The following PCDHAC1 variants were observed in gnomAD, a reference collection of about 807,000 sequenced individuals.
PCDHAC1 encodes the protein protocadherin alpha subfamily C, 1.
PCDHAC1 carries 42 observed loss-of-function variants against 60.0 expected under a neutral mutation model. That is an observed-to-expected ratio of 0.70 (90% CI 0.55 to 0.90). The LOEUF is 0.90. Ranked by LOEUF, PCDHAC1 falls within the 40% of genes least tolerant of loss-of-function variation. The pLI is 0.00. For missense variants in PCDHAC1, 1,160 were observed against 1,222.3 expected, an observed-to-expected ratio of 0.95 and a Z score of 0.76; for synonymous variants, 468 against 499.3, an observed-to-expected ratio of 0.94 and a Z score of 0.84.
intron 1 of PCDHAC1, chr5:140,966,545 G>A: frequency 2.1e-6 from 1 of 465,980 alleles, no homozygotes; most frequent in Non-Finnish European, 3.7e-6. Context: ...CGACTCGGAG[G>A]CGAGCGGAGG....
chr5:141,004,124 C>T (rs1225012224), intron 3 of PCDHAC1, among the ~76,000 whole-genome samples: 1 of 152,202 alleles, frequency 6.6e-6, no homozygotes, highest in Non-Finnish European at 1.5e-5. Context: ...GGAGTATCTC[C>T]ATGATTCTGC....
intron 1 of PCDHAC1, among the ~76,000 whole-genome samples, chr5:140,943,236 TCA>T (rs1454947972): frequency 5.6e-5 from 7 of 124,930 alleles, no homozygotes; most frequent in African/African-American, 1.9e-4. Flanking sequence ...CCAGCCTGGG[TCA>T]CAGAGTGAGA....
chr5:140,926,850 G>A lies in PCDHAC1; in HGVS notation c.-43G>A, dbSNP rs375350613. 2.0e-6 allele frequency: 3 copies of A among 1,517,570 alleles called. No homozygotes were observed. Among genetic ancestry groups the A allele is most frequent in the African/African-American group, 2.8e-5 (2 of 71,774 alleles). 94.0% of individuals were successfully genotyped at this position (1,517,570 alleles called of 1,614,324 possible). A position where few individuals can be genotyped will look rare whatever the true frequency, so the allele number is the denominator to read the frequency against. ...GTCCGGAGCATGGTCCTGGGTCACC[G>A]TTGGTGTAGCGTGTTGGTGGAACGT... On this transcript the variant is annotated 5_prime_UTR_variant, in exon 1 of 4. Coordinates refer to ENST00000253807, the MANE Select transcript of PCDHAC1 (RefSeq NM_018898.5).
chr5:140,991,227 A>G (rs1172819040), intron 3 of PCDHAC1, among the ~76,000 whole-genome samples: 2 of 152,224 alleles, frequency 1.3e-5, no homozygotes, highest in African/African-American at 4.8e-5. Flanking sequence ...TCATTAATAA[A>G]TGCAGTGGTA....
chr5:140,971,547 C>T (rs904044424), intron 1 of PCDHAC1, among the ~76,000 whole-genome samples: 3 of 152,074 alleles, frequency 2.0e-5, no homozygotes, highest in Non-Finnish European at 4.4e-5. Flanking sequence ...GCCAGATCAA[C>T]CTGTTAAATT....
intron 1 of PCDHAC1, among the ~76,000 whole-genome samples, chr5:140,965,255 G>C (rs1426270395): frequency 1.3e-5 from 2 of 152,196 alleles, no homozygotes; most frequent in Non-Finnish European, 2.9e-5. Context: ...ATTCAGAACT[G>C]AGCAGCAGAG....
At chr5:140,960,446 T>C (rs1563310715) in intron 1 of PCDHAC1, among the ~76,000 whole-genome samples, 2 of 152,204 alleles carry the variant, frequency 1.3e-5, no homozygotes, top group African/African-American at 4.8e-5. Context: ...GATATATGTA[T>C]GGATAATTTT....
chr5:141,000,395 C>CTCTA (rs1213762225), intron 3 of PCDHAC1, among the ~76,000 whole-genome samples: 16 of 53,972 alleles, frequency 3.0e-4, no homozygotes, highest in East Asian at 6.1e-4. Context: ...CTCTCTCTCT[C>CTCTA]TATATATATA....
At position 141,010,198 on chromosome 5, in the gene PCDHAC1, C is replaced by T; in HGVS notation, c.*261C>T. ...AAAGCAGACCCAAGTTTCCTTTCTC[C>T]TCCGCCGCAAAGGAGAGGCTTCCCA... On this transcript the variant is annotated 3_prime_UTR_variant, in exon 4 of 4. Transcript: ENST00000253807. The T allele has an allele frequency of 6.4e-7, 1 of 1,552,138 alleles. No homozygotes were observed. The highest frequency in any genetic ancestry group is 1.4e-5 in the African/African-American group (1 of 73,154).
Position 140,967,255 on chromosome 5 carries a change from T to C in PCDHAC1, c.2434-11694T>C, listed in dbSNP as rs202164321. ...TTCAGGTAAGCGAATCGGTGGCGCC[T>C]GGAGCGCGCTTTCACATAGAGAGTG... On this transcript the variant is annotated intron_variant, in intron 1 of 3. Coordinates refer to ENST00000253807, the MANE Select transcript of PCDHAC1 (RefSeq NM_018898.5). The C allele has an allele frequency of 1.8e-4, 297 of 1,613,460 alleles. 1 individual carries two copies. The East Asian group carries it at 6.5e-3, about 35-fold the overall frequency.
In PCDHAC1 at chr5:141,010,200, C is replaced by T. The variant is rs1356287133; in HGVS notation, c.*263C>T. On this transcript the variant is annotated 3_prime_UTR_variant, in exon 4 of 4. Coordinates refer to ENST00000253807, the MANE Select transcript of PCDHAC1 (RefSeq NM_018898.5). ...AGCAGACCCAAGTTTCCTTTCTCCTCCGCCGCAAAGGAGAGGCTTCCCAGC... is the reference window on the plus strand; with the variant it reads ...AGCAGACCCAAGTTTCCTTTCTCCTTCGCCGCAAAGGAGAGGCTTCCCAGC... The T allele has an allele frequency of 1.3e-6, 2 of 1,551,984 alleles. No individual in the cohort carries two copies. Among genetic ancestry groups the T allele is most frequent in the African/African-American group, 2.7e-5 (2 of 73,038 alleles).
At chr5:140,957,107 G>A in intron 1 of PCDHAC1, among the ~76,000 whole-genome samples, 1 of 152,092 alleles carries the variant, frequency 6.6e-6, no homozygotes, top group East Asian at 1.9e-4. Context: ...CTATGGACAT[G>A]ATTCTGTGTG....
chr5:140,933,244 A>G (rs1218658347), intron 1 of PCDHAC1, among the ~76,000 whole-genome samples: 3 of 152,038 alleles, frequency 2.0e-5, no homozygotes, highest in African/African-American at 4.8e-5. Context: ...AGAAAGGACT[A>G]TAAACACAAA....
At chr5:140,965,403 T>G (rs1241477329) in intron 1 of PCDHAC1, among the ~76,000 whole-genome samples, 1 of 151,946 alleles carries the variant, frequency 6.6e-6, no homozygotes, top group Admixed American at 6.6e-5. Flanking sequence ...GTCTAAGGAG[T>G]CTTATATTTA....
chr5:140,975,120 C>T (rs2096654332), intron 1 of PCDHAC1, among the ~76,000 whole-genome samples: 1 of 152,140 alleles, frequency 6.6e-6, no homozygotes, highest in African/African-American at 2.4e-5. Flanking sequence ...TGTTTTCCTA[C>T]TTACTATTGG....
At chr5:141,002,273 A>G (rs1040927044) in intron 3 of PCDHAC1, among the ~76,000 whole-genome samples, 42 of 152,308 alleles carry the variant, frequency 2.8e-4, no homozygotes, top group African/African-American at 8.9e-4. Context: ...AGAGCTGGTA[A>G]CAAAGGGATG....
chr5:140,962,288 A>G (rs1310558261), intron 1 of PCDHAC1, among the ~76,000 whole-genome samples: 2 of 152,192 alleles, frequency 1.3e-5, no homozygotes, highest in African/African-American at 4.8e-5. Flanking sequence ...TCAACCTTTA[A>G]TATTCTATGA....
chr5:141,005,034 T>C (rs1435712039), intron 3 of PCDHAC1, among the ~76,000 whole-genome samples: 1 of 152,222 alleles, frequency 6.6e-6, no homozygotes, highest in Non-Finnish European at 1.5e-5. Flanking sequence ...ATTGCCCATA[T>C]GTGATACCAT....
intron 3 of PCDHAC1, among the ~76,000 whole-genome samples, chr5:140,988,083 G>A (rs957131929): frequency 1.3e-5 from 2 of 152,292 alleles, no homozygotes; most frequent in Middle Eastern, 3.4e-3. Context: ...TCATGAGTGA[G>A]TGCAGCCTCG....
Sources: gnomAD v4.1 joint callset for allele counts (sites outside exome capture counted in the v4.1 genomes callset) on GRCh38, gnomAD v4.1.1 for gene constraint, MANE v1.5 for transcripts, NCBI Gene and HGNC (gene_info 2026-07-23, HGNC 2026-07-21) for gene names.